The following CTPS1 variants were observed in gnomAD, a reference collection of about 807,000 sequenced individuals.
CTPS1 encodes CTP synthase 1.
A neutral mutation model predicts 80.5 loss-of-function variants in CTPS1; 25 were observed. The observed-to-expected ratio is 0.31, with a 90% CI of 0.23 to 0.43. The LOEUF is 0.43. Ranked by LOEUF, CTPS1 falls within the 20% of genes least tolerant of loss-of-function variation. CTPS1 has a pLI of 1.00. For missense variants in CTPS1, 442 were observed against 725.7 expected (o/e 0.61, Z 4.49); for synonymous variants, 267 against 252.5 (o/e 1.06, Z -0.54).
chr1:40,999,947 C>T (rs532545568), intron 9 of CTPS1, among the ~76,000 whole-genome samples: 32 of 152,064 alleles, frequency 2.1e-4, no homozygotes, highest in African/African-American at 7.2e-4. Context: ...ACCAGTAGTT[C>T]GAGAGCAGCC....
chr1:40,990,080 C>T (rs140927086), intron 5 of CTPS1, among the ~76,000 whole-genome samples: 5 of 152,238 alleles, frequency 3.3e-5, no homozygotes, highest in East Asian at 1.9e-4. Context: ...CCTACCCCCC[C>T]GTATTTGGAA....
chr1:40,991,341 T>C, intron 6 of CTPS1, 93 bp downstream of exon 6: 1 of 994,964 alleles, frequency 1.0e-6, no homozygotes, highest in Non-Finnish European at 1.5e-6. Context: ...CTTGTTGGGT[T>C]GCTTTTGATA....
intron 1 of CTPS1, among the ~76,000 whole-genome samples, chr1:40,982,398 TTC>T (rs746157780): frequency 3.7e-4 from 56 of 149,862 alleles, no homozygotes; most frequent in African/African-American, 3.7e-4. Context: ...GAACTACTTT[TTC>T]TTTTTTTTTG....
At chr1:41,004,542 T>G (rs1302419211) in intron 12 of CTPS1, among the ~76,000 whole-genome samples, 1 of 152,210 alleles carries the variant, frequency 6.6e-6, no homozygotes, top group East Asian at 1.9e-4. Flanking sequence ...GTGATGAGCT[T>G]ACACTTCAGT....
rs376161790 is a variant in CTPS1 at position 40,988,611 on chromosome 1, G to A, written c.456G>A (p.Gly152=). 3 of 1,613,842 alleles carry A rather than the reference G, an allele frequency of 1.9e-6. No individual in the cohort carries two copies. The highest frequency in any genetic ancestry group is 1.7e-5 in the Admixed American group (1 of 60,020). ...TCTTCTAGCTTGGTGGAACCGTGGG[G>A]GACATAGAAAGCATGCCCTTTATTG... ...VCVIELGGTV[G]DIESMPFIEA... The change falls in exon 5 of 19, where the codon GGG becomes GGA. Residue 152 remains glycine (G), a synonymous_variant. Transcript: ENST00000650070.
intron 9 of CTPS1, among the ~76,000 whole-genome samples, chr1:41,000,537 G>A (rs1417988429): frequency 1.3e-5 from 2 of 152,012 alleles, no homozygotes; most frequent in Non-Finnish European, 2.9e-5. Context: ...ATAGGTGTGA[G>A]CCACCACGCC....
At chr1:40,981,881 G>C (rs898886521) in intron 1 of CTPS1, 54 of 732,830 alleles carry the variant, frequency 7.4e-5, no homozygotes, top group Non-Finnish European at 9.6e-5. Flanking sequence ...GGGGTGGGGC[G>C]GGGGAATGCT....
chr1:41,010,847 G>A (rs148717043), intron 18 of CTPS1, among the ~76,000 whole-genome samples: 61 of 152,356 alleles, frequency 4.0e-4, no homozygotes, highest in African/African-American at 1.4e-3. Flanking sequence ...GGTTCATAAA[G>A]TGCAATAACT....
chr1:41,005,701 G>A (rs1156296986), intron 12 of CTPS1, among the ~76,000 whole-genome samples: 4 of 152,162 alleles, frequency 2.6e-5, no homozygotes, highest in Non-Finnish European at 5.9e-5. Flanking sequence ...GAGCCCAGGT[G>A]TTTGAGACTA....
intron 1 of CTPS1, among the ~76,000 whole-genome samples, chr1:40,981,481 A>C (rs887502812): frequency 2.0e-5 from 3 of 152,208 alleles, no homozygotes; most frequent in African/African-American, 7.2e-5. Context: ...TAGGGAGACC[A>C]GGGTATAGTC....
intron 8 of CTPS1, 98 bp downstream of exon 8, chr1:40,996,166 C>G: frequency 7.6e-7 from 1 of 1,315,850 alleles, no homozygotes; most frequent in South Asian, 1.3e-5. Context: ...TACTTTTGCA[C>G]TTCTGCCATC....
rs1462876080 is a variant in CTPS1 at position 41,006,072 on chromosome 1, A to AC, written c.1277dup (p.Thr427TyrfsTer57). On this transcript the variant is annotated frameshift_variant, in exon 13 of 19. Coordinates refer to ENST00000650070, the MANE Select transcript of CTPS1 (RefSeq NM_001905.4). LOFTEE classifies it high-confidence loss of function. ...TCAGATGCCAATTCTACAGAGTTTG[A>AC]CCCTACGACCAGTCATCCCGTGGTG... 1 of 1,613,624 alleles carries AC rather than the reference A, an allele frequency of 6.2e-7. No individual in the cohort carries two copies. The highest frequency in any genetic ancestry group is 8.5e-7 in the Non-Finnish European group (1 of 1,179,658).
chr1:40,997,650 T>G, intron 9 of CTPS1, 124 bp downstream of exon 9: 1 of 1,234,270 alleles, frequency 8.1e-7, no homozygotes, highest in Admixed American at 3.1e-5. Flanking sequence ...AATTACTTTT[T>G]AAGGATTAAA....
rs532123591 is a variant in CTPS1, at chr1:41,007,276, G to A, written c.1297-173G>A. 2.6e-4 allele frequency among the ~76,000 whole-genome samples: 40 copies of A among 152,322 alleles called. No individual in the cohort carries two copies. In the East Asian group the frequency reaches 6.0e-3, roughly 23 times the overall value. On this transcript the variant is annotated intron_variant, in intron 13 of 18. Coordinates refer to ENST00000650070, the MANE Select transcript of CTPS1 (RefSeq NM_001905.4). This position sits in a 1 kb window ranked among gnomAD's most constrained non-coding sequence, Gnocchi z 4.4. ...TGAAGGACGGAGCCTCCACCCAACCGAGGTTACAAATGCCAACTGGGAGGC... is the reference window on the plus strand; with the variant it reads ...TGAAGGACGGAGCCTCCACCCAACCAAGGTTACAAATGCCAACTGGGAGGC...
intron 3 of CTPS1, among the ~76,000 whole-genome samples, chr1:40,987,005 T>A (rs1642472391): frequency 6.6e-6 from 1 of 152,180 alleles, no homozygotes; most frequent in East Asian, 1.9e-4. Flanking sequence ...AAGTCTCTTG[T>A]TCCTGGAAGT....
At chr1:40,996,115 T>C (rs1642745589) in intron 8 of CTPS1, 47 bp downstream of exon 8, 2 of 1,610,716 alleles carry the variant, frequency 1.2e-6, no homozygotes, top group East Asian at 2.2e-5. Flanking sequence ...CTTTACTCTT[T>C]TGTAGGGCTG....
At chr1:40,983,762 A>T (rs1570938418) in intron 2 of CTPS1, among the ~76,000 whole-genome samples, 1 of 151,898 alleles carries the variant, frequency 6.6e-6, no homozygotes. Flanking sequence ...AGCTGGGACT[A>T]CAGGTGTAAA....
chr1:40,996,547 G>A (rs1642757020), intron 8 of CTPS1, among the ~76,000 whole-genome samples: 1 of 152,172 alleles, frequency 6.6e-6, no homozygotes, highest in South Asian at 2.1e-4. Flanking sequence ...TTTAAGGCTC[G>A]GTGATGCTGT....
At chr1:40,988,837 C>G (rs1239634925) in intron 5 of CTPS1, 127 bp downstream of exon 5, 21 of 657,082 alleles carry the variant, frequency 3.2e-5, no homozygotes, top group Admixed American at 1.6e-4. Context: ...GAATAAAGAA[C>G]TTTGTAAGTT....
Sources: allele counts gnomAD v4.1 joint callset (sites outside exome capture counted in the v4.1 genomes callset), GRCh38; gene constraint gnomAD v4.1.1; non-coding constraint Gnocchi (gnomAD v3.1); transcripts MANE v1.5; gene names NCBI Gene and HGNC (gene_info 2026-07-23, HGNC 2026-07-21).